VAC14: variants seen among roughly 807,000 people sequenced by gnomAD.
VAC14 encodes the protein VAC14 component of PIKFYVE complex.
A neutral mutation model predicts 85.3 loss-of-function variants in VAC14; 47 were observed. That is an observed-to-expected ratio of 0.55 (90% CI 0.44 to 0.70). The LOEUF (loss-of-function observed/expected upper bound fraction) is 0.70. VAC14 is among the 30% of genes least tolerant of loss of function. The pLI, the probability that VAC14 is intolerant of heterozygous loss-of-function variation, is 0.00. For synonymous variants in VAC14, 447 were observed against 430.5 expected (o/e 1.04, Z -0.47); for missense variants, 861 against 1,004.3 (o/e 0.86, Z 1.93).
chr16:70,748,137 C>T (rs1285251722), intron 12 of VAC14, among the ~76,000 whole-genome samples: 2 of 132,528 alleles, frequency 1.5e-5, no homozygotes, highest in Non-Finnish European at 2.9e-5. Flanking sequence ...GGTCCCCAAA[C>T]CTGAGCCTGC....
chr16:70,692,047 G>A (rs2053607199), intron 18 of VAC14: 2 of 983,988 alleles, frequency 2.0e-6, no homozygotes, highest in Non-Finnish European at 2.4e-6. Context: ...TTTCCATGGC[G>A]ACCTGACAAG....
At position 70,797,437 on chromosome 16, in the gene VAC14, T is replaced by C. The variant is rs200043146; in HGVS notation, c.104+3360A>G. ...TATTCACAGGCTCCAGGGATTAGCA[T>C]GGGGCAAATATAGGAGGCTATCATT... On this transcript the variant is annotated intron_variant, in intron 1 of 18. Coordinates refer to ENST00000261776, the MANE Select transcript of VAC14 (RefSeq NM_018052.5). 4.6e-5 allele frequency among the ~76,000 whole-genome samples: 7 copies of C among 152,218 alleles called. No homozygotes were observed. In the East Asian group the frequency reaches 1.3e-3, roughly 29 times the overall value.
rs2053544968 is a variant in VAC14 at position 70,688,746 on chromosome 16, G to C, written c.2187-656C>G. On this transcript the variant is annotated intron_variant, in intron 18 of 18. Transcript: ENST00000261776. ...TGTGCACTGCACAGCTAGTGTGCAT[G>C]ATGCTCCCTATAATGGTGCAATGCG... The C allele has an allele frequency of 6.1e-6, 6 of 985,448 alleles. No individual in the cohort carries two copies. In the African/African-American group the frequency reaches 7.0e-5, roughly 11 times the overall value. The allele number at this position is 985,448 out of a possible 1,614,324, so 61.0% of individuals were successfully genotyped here. A position where few individuals can be genotyped will look rare whatever the true frequency, so the allele number is the denominator to read the frequency against.
chr16:70,711,632 T>C (rs1229949955), intron 14 of VAC14, among the ~76,000 whole-genome samples: 3 of 152,074 alleles, frequency 2.0e-5, no homozygotes, highest in Non-Finnish European at 4.4e-5. Flanking sequence ...CCCACCTGCA[T>C]AGCCCCAGCA....
chr16:70,800,681 A>G, intron 1 of VAC14, 116 bp downstream of exon 1: 1 of 804,662 alleles, frequency 1.2e-6, no homozygotes, highest in South Asian at 1.7e-5. Context: ...CACTGCGCTA[A>G]GGTAAGGGCC....
rs1033150572 is a variant in VAC14, at chr16:70,708,642, C to G, written c.1662-9831G>C. 4.6e-5 allele frequency among the ~76,000 whole-genome samples: 7 copies of G among 152,308 alleles called. No individual in the cohort carries two copies. In the East Asian group the frequency reaches 1.4e-3, roughly 30 times the overall value. ...ACACACCCCAGAATACGGCTGGATG[C>G]AGGTCAGATGGCGAGGGCTGGGGAC... On this transcript the variant is annotated intron_variant, in intron 14 of 18. Transcript: ENST00000261776.
At chr16:70,712,051 G>A (rs187576321) in intron 14 of VAC14, among the ~76,000 whole-genome samples, 42 of 152,266 alleles carry the variant, frequency 2.8e-4, no homozygotes, top group Non-Finnish European at 4.9e-4. Context: ...AATGGAAGGG[G>A]AGGGGTTCTC....
At chr16:70,799,734 A>G (rs568965115) in intron 1 of VAC14, among the ~76,000 whole-genome samples, 10 of 152,292 alleles carry the variant, frequency 6.6e-5, no homozygotes, top group African/African-American at 2.2e-4. Context: ...TGAGTTAAGG[A>G]ATTTGCCCCA....
chr16:70,759,541 CTG>C (rs1229549870), intron 12 of VAC14, among the ~76,000 whole-genome samples: 3 of 152,124 alleles, frequency 2.0e-5, no homozygotes, highest in Admixed American at 6.6e-5. Context: ...GGCAGGAGGA[CTG>C]CTTGAACCCC....
chr16:70,702,398 G>A (rs2053846491), intron 14 of VAC14, among the ~76,000 whole-genome samples: 1 of 152,194 alleles, frequency 6.6e-6, no homozygotes, highest in South Asian at 2.1e-4. Flanking sequence ...AAGAGGGAAA[G>A]GGAGAGGAGA....
At chr16:70,759,163 T>G (rs181425267) in intron 12 of VAC14, among the ~76,000 whole-genome samples, 2 of 152,322 alleles carry the variant, frequency 1.3e-5, no homozygotes, top group East Asian at 3.9e-4. Flanking sequence ...CTGCGAGCAG[T>G]GGCTCTCAGC....
At chr16:70,733,007 A>G (rs2054638182) in intron 13 of VAC14, among the ~76,000 whole-genome samples, 1 of 152,216 alleles carries the variant, frequency 6.6e-6, no homozygotes, top group Non-Finnish European at 1.5e-5. Context: ...CATATACCAT[A>G]AGGTTAATCC....
chr16:70,688,138 G>C (rs751783653), intron 18 of VAC14, 48 bp from the exon 19 acceptor site: 16 of 1,456,332 alleles, frequency 1.1e-5, no homozygotes, highest in Middle Eastern at 1.8e-4. Context: ...CAGCTCACAG[G>C]GGGGTTACTG....
Position 70,699,056 on chromosome 16 carries a change from C to T in VAC14, c.1662-245G>A, listed in dbSNP as rs370018662. Among the ~76,000 whole-genome samples the T allele has an allele frequency of 5.6e-4, 85 of 152,308 alleles. 1 individual carries two copies. The highest frequency in any genetic ancestry group is 7.6e-4 in the Non-Finnish European group (52 of 68,024). ...GGCCTAGCCACGCCAGGGCGCCCCA[C>T]GCTATATTAATCTCCCGGCACAAGA... On this transcript the variant is annotated intron_variant, in intron 14 of 18. Coordinates refer to ENST00000261776, the MANE Select transcript of VAC14 (RefSeq NM_018052.5).
At chr16:70,698,587 C>A in intron 15 of VAC14, 50 bp downstream of exon 15, 1 of 1,606,810 alleles carries the variant, frequency 6.2e-7, no homozygotes, top group South Asian at 1.1e-5. Flanking sequence ...CAGGGTGTGC[C>A]CCCTGGCATG....
At position 70,691,123 on chromosome 16, in the gene VAC14, A is replaced by G. The variant is rs570727120; in HGVS notation, c.2186+1698T>C. The G allele has an allele frequency of 1.4e-4, 139 of 985,478 alleles. No individual in the cohort carries two copies. The African/African-American group carries it at 2.3e-3, about 16-fold the overall frequency. The allele number at this position is 985,478 out of a possible 1,614,324, so 61.0% of individuals were successfully genotyped here. A position where few individuals can be genotyped will look rare whatever the true frequency, so the allele number is the denominator to read the frequency against. The stretch of plus-strand genomic sequence containing the variant: ...CCCTGACTGACCGTGGGAGATTCTG[A>G]GGAAAGCCTCATTTTCCCAGCTTCC... On this transcript the variant is annotated intron_variant, in intron 18 of 18. Transcript: ENST00000261776.
At chr16:70,768,597 G>A (rs1424155652) in intron 10 of VAC14, 1 of 319,590 alleles carries the variant, frequency 3.1e-6, no homozygotes, top group East Asian at 1.1e-4. Context: ...TAAGCCTGGG[G>A]CCACCAGGGG....
intron 10 of VAC14, among the ~76,000 whole-genome samples, chr16:70,766,715 T>C (rs764751778): frequency 2.6e-5 from 4 of 152,082 alleles, no homozygotes; most frequent in African/African-American, 9.7e-5. Context: ...GTGGAGGTCA[T>C]GGGAAGCAGG....
At chr16:70,766,776 G>T (rs1403592422) in intron 10 of VAC14, among the ~76,000 whole-genome samples, 2 of 152,100 alleles carry the variant, frequency 1.3e-5, no homozygotes, top group Non-Finnish European at 2.9e-5. Context: ...GAAAGGGAGG[G>T]TCAAGATCCC....
Sources: gnomAD v4.1 joint callset for allele counts (sites outside exome capture counted in the v4.1 genomes callset) on GRCh38, gnomAD v4.1.1 for gene constraint, MANE v1.5 for transcripts, NCBI Gene and HGNC (gene_info 2026-07-23, HGNC 2026-07-21) for gene names.